Variants in PDE1C observed in about 807,000 individuals in gnomAD.
The protein encoded by PDE1C is phosphodiesterase 1C.
Under a neutral mutation model 93.1 loss-of-function variants are expected in PDE1C, and 62 were observed. The observed-to-expected ratio is 0.67, with a 90% CI of 0.54 to 0.82. The LOEUF (loss-of-function observed/expected upper bound fraction) is 0.82. Among genes scored for constraint, PDE1C ranks in the 40% least tolerant of loss-of-function variants. The pLI is 0.00. For synonymous variants in PDE1C, 325 were observed against 310.1 expected, an observed-to-expected ratio of 1.05 and a Z score of -0.50; for missense variants, 742 against 884.6, an observed-to-expected ratio of 0.84 and a Z score of 2.04.
the PDE1C span, chr7:31,652,959 CT>C: frequency 6.8e-7 from 1 of 1,469,240 alleles, no homozygotes; most frequent in Non-Finnish European, 9.0e-7. Context: ...ATATTCTACC[CT>C]TTGGTTAAAC....
intron 2 of PDE1C, among the ~76,000 whole-genome samples, chr7:31,995,088 A>G (rs1336607409): frequency 6.6e-6 from 1 of 152,232 alleles, no homozygotes; most frequent in Admixed American, 6.5e-5. Context: ...CATCTTTGCT[A>G]GTTTCATAAA....
At chr7:31,899,199 C>T (rs1008697505) in intron 2 of PDE1C, among the ~76,000 whole-genome samples, 16 of 138,366 alleles carry the variant, frequency 1.2e-4, no homozygotes, top group African/African-American at 4.4e-4. Flanking sequence ...AGTGCAGTGG[C>T]GCACTCTTGG....
chr7:31,987,717 G>T (rs746590706), intron 2 of PDE1C, among the ~76,000 whole-genome samples: 4 of 152,170 alleles, frequency 2.6e-5, no homozygotes, highest in Non-Finnish European at 5.9e-5. Context: ...AGCACACAAA[G>T]TAGGACTTAA....
In PDE1C at chr7:31,898,473, A is replaced by C. The variant is rs1457885415; in HGVS notation, c.129-17613T>G. ...AGTTTTTCTCTGATATAATTTTAAT[A>C]ACAGCATAGTTTGTCTCTAAATATA... On this transcript the variant is annotated intron_variant, in intron 2 of 17. Coordinates refer to ENST00000396191, the MANE Select transcript of PDE1C (RefSeq NM_001191057.4). 3.9e-5 allele frequency among the ~76,000 whole-genome samples: 6 copies of C among 152,220 alleles called. No individual in the cohort carries two copies. The East Asian group carries it at 1.2e-3, about 29-fold the overall frequency.
At chr7:32,380,879 A>G (rs1403576398) in intron 1 of PDE1C, among the ~76,000 whole-genome samples, 1 of 151,158 alleles carries the variant, frequency 6.6e-6, no homozygotes, top group African/African-American at 2.4e-5. Flanking sequence ...ATTTGTTGTC[A>G]CTCCCCAGGT....
chr7:32,071,390 G>A (rs7779058), upstream of PDE1C: 33,564 of 985,454 alleles, frequency 0.034, 643 homozygotes, highest in East Asian at 0.09. Context: ...TGATGGGGAC[G>A]AAGGGAACCA....
intron 2 of PDE1C, among the ~76,000 whole-genome samples, chr7:31,908,193 T>TCAGTCATTAGTAATATCA (rs10688920): frequency 6.6e-6 from 1 of 152,088 alleles, no homozygotes; most frequent in South Asian, 2.1e-4. Context: ...ATTAGTAATA[T>TCAGTCATTAGTAATATCA]GTCATTAGTA....
intron 1 of PDE1C, among the ~76,000 whole-genome samples, chr7:32,378,823 G>T (rs1784479459): frequency 6.6e-6 from 1 of 152,116 alleles, no homozygotes. Context: ...CCTAACCTCT[G>T]CACTTTCAGC....
chr7:32,374,245 G>A (rs368826245), intron 1 of PDE1C, among the ~76,000 whole-genome samples: 6 of 89,614 alleles, frequency 6.7e-5, no homozygotes, highest in East Asian at 3.8e-4. Flanking sequence ...AAAGAAGGAA[G>A]GAAAGGAAAG....
intron 1 of PDE1C, among the ~76,000 whole-genome samples, chr7:32,281,941 A>G (rs980186814): frequency 2.0e-5 from 3 of 152,124 alleles, no homozygotes; most frequent in Non-Finnish European, 2.9e-5. Context: ...GTTCTCCCGC[A>G]TAGGTGGGAG....
intron 1 of PDE1C, among the ~76,000 whole-genome samples, chr7:32,059,772 T>C (rs1794580505): frequency 6.6e-6 from 1 of 152,090 alleles, no homozygotes; most frequent in Non-Finnish European, 1.5e-5. Flanking sequence ...AGCTAATCAG[T>C]GGCACCAAGG....
intron 3 of PDE1C, among the ~76,000 whole-genome samples, chr7:32,118,746 CAG>C (rs1455505511): frequency 2.0e-5 from 3 of 152,186 alleles, no homozygotes; most frequent in Non-Finnish European, 2.9e-5. Flanking sequence ...TTCATGAGGG[CAG>C]AGTCTTCATG....
the PDE1C span, among the ~76,000 whole-genome samples, chr7:31,682,428 T>C: frequency 6.6e-6 from 1 of 152,206 alleles, no homozygotes. Flanking sequence ...GGTGAGATAT[T>C]ACTTCACACC....
At chr7:32,144,085 T>A (rs939381840) in intron 3 of PDE1C, among the ~76,000 whole-genome samples, 13 of 152,062 alleles carry the variant, frequency 8.5e-5, no homozygotes, top group African/African-American at 2.7e-4. Context: ...TGGTGGGCAG[T>A]GATAAAGAGT....
chr7:31,842,120 T>C (rs982831933), intron 9 of PDE1C, among the ~76,000 whole-genome samples: 1 of 152,110 alleles, frequency 6.6e-6, no homozygotes, highest in African/African-American at 2.4e-5. Flanking sequence ...CAGCACACAC[T>C]GAGGCCCAGG....
intron 2 of PDE1C, among the ~76,000 whole-genome samples, chr7:32,185,293 A>T (rs1175894311): frequency 6.6e-6 from 1 of 150,800 alleles, no homozygotes; most frequent in African/African-American, 2.4e-5. Flanking sequence ...GCCAACTTGC[A>T]TTACTCAGAT....
In PDE1C at chr7:31,926,791, C is replaced by T. The variant is rs368470403; in HGVS notation, c.129-45931G>A. 6.3e-4 allele frequency among the ~76,000 whole-genome samples: 95 copies of T among 151,704 alleles called. No homozygotes were observed. In the South Asian group the frequency reaches 0.015, roughly 23 times the overall value. On this transcript the variant is annotated intron_variant, in intron 2 of 17. Coordinates refer to ENST00000396191, the MANE Select transcript of PDE1C (RefSeq NM_001191057.4). Reference sequence around the variant, plus strand: ...TATGCTTTTCCCATGGCTTTTGCAACGGCAGACCAGGAGATTCCTGGTCTC... The same window carrying T: ...TATGCTTTTCCCATGGCTTTTGCAATGGCAGACCAGGAGATTCCTGGTCTC...
At chr7:32,361,179 G>A (rs6978969) in intron 1 of PDE1C, among the ~76,000 whole-genome samples, 3,523 of 152,218 alleles carry the variant, frequency 0.023, 138 homozygotes, top group African/African-American at 0.081. Flanking sequence ...AGCCAACTGC[G>A]CAGGTTCTCA....
intron 1 of PDE1C, among the ~76,000 whole-genome samples, chr7:32,422,442 G>A (rs918076851): frequency 6.6e-6 from 1 of 152,096 alleles, no homozygotes; most frequent in Non-Finnish European, 1.5e-5. Flanking sequence ...CACAGGTAGT[G>A]AGCATAGTAC....
Sources: gnomAD v4.1 joint callset for allele counts (sites outside exome capture counted in the v4.1 genomes callset) on GRCh38, gnomAD v4.1.1 for gene constraint, MANE v1.5 for transcripts, NCBI Gene and HGNC (gene_info 2026-07-23, HGNC 2026-07-21) for gene names.